ABCC5: variants seen among roughly 807,000 people sequenced by gnomAD.
ABCC5 encodes ATP binding cassette subfamily C member 5, also known as ATP-binding cassette sub-family C member 5.
Under a neutral mutation model 160.9 loss-of-function variants are expected in ABCC5, and 61 were observed. That is an observed-to-expected ratio of 0.38 (90% confidence interval 0.31 to 0.47). The LOEUF is 0.47. Ranked by LOEUF, ABCC5 falls within the 20% of genes least tolerant of loss-of-function variation. ABCC5 has a pLI of 0.99. For synonymous variants in ABCC5, 666 were observed against 700.6 expected, an observed-to-expected ratio of 0.95 and a Z score of 0.78; for missense variants, 1,308 against 1,813.3, an observed-to-expected ratio of 0.72 and a Z score of 5.06.
chr3:183,930,580 G>C (rs1478275056), intron 26 of ABCC5, among the ~76,000 whole-genome samples: 1 of 152,188 alleles, frequency 6.6e-6, no homozygotes, highest in Non-Finnish European at 1.5e-5. Context: ...CATATGACTG[G>C]TCCTTATGAG....
chr3:184,002,888 G>C (rs1271245029), intron 2 of ABCC5, among the ~76,000 whole-genome samples: 1 of 152,222 alleles, frequency 6.6e-6, no homozygotes, highest in African/African-American at 2.4e-5. Flanking sequence ...ACTGGCAACA[G>C]AGAGGTACCT....
rs144432230 is a variant in ABCC5, at chr3:184,014,280, A to C, written c.113T>G (p.Phe38Cys). Residue 38 changes from phenylalanine (F) to cysteine (C), a missense_variant, in exon 2 of 30, where the codon TTC becomes TGC. Phe to Cys is a radical substitution (Grantham distance 205). This residue lies in a region of ABCC5 where 1,142 missense variants were observed against 1,527.1 expected (regional missense o/e 0.75). Transcript: ENST00000334444. Reference protein sequence around the residue: ...GTHRDREDSKFRRTRPLECQD... With the variant: ...GTHRDREDSKCRRTRPLECQD... ...GAAACTGACCGGTCGAGTTCTCCTGAACTTGGAATCTTCACGGTCTCTGTG... is the reference window on the plus strand; with the variant it reads ...GAAACTGACCGGTCGAGTTCTCCTGCACTTGGAATCTTCACGGTCTCTGTG... 6.2e-7 allele frequency: 1 copy of C among 1,613,846 alleles called. No individual in the cohort carries two copies. The highest frequency in any genetic ancestry group is 8.5e-7 in the Non-Finnish European group (1 of 1,179,940).
intron 5 of ABCC5, chr3:183,985,575 G>T (rs1719138805): frequency 1.4e-6 from 1 of 692,730 alleles, no homozygotes; most frequent in South Asian, 1.5e-5. Context: ...CACTGCAGGA[G>T]GCGGCCTTCT....
Position 183,982,692 on chromosome 3 carries a change from A to G in ABCC5, c.826-68T>C, listed in dbSNP as rs1576894106. ...GGTTCATTTGTCTCAGGAGGAAGATAAAGGATAAGGCAGGGCCCTAGAGGA... is the reference window on the plus strand; with the variant it reads ...GGTTCATTTGTCTCAGGAGGAAGATGAAGGATAAGGCAGGGCCCTAGAGGA... On this transcript the variant is annotated intron_variant, in intron 6 of 29. Coordinates refer to ENST00000334444, the MANE Select transcript of ABCC5 (RefSeq NM_005688.4). This position sits in a 1 kb window ranked among gnomAD's most constrained non-coding sequence, Gnocchi z 5.2. 1.2e-6 allele frequency: 2 copies of G among 1,608,340 alleles called. No homozygotes were observed. Among genetic ancestry groups the G allele is most frequent in the East Asian group, 4.5e-5 (2 of 44,826 alleles).
chr3:183,942,578 A>C (rs560473914), intron 25 of ABCC5, 149 bp downstream of exon 25: 2 of 967,250 alleles, frequency 2.1e-6, no homozygotes, highest in South Asian at 2.8e-5. Context: ...AAGTGGGGTC[A>C]ACAATAAACC....
At chr3:183,980,993 G>A (rs531306108) in intron 8 of ABCC5, among the ~76,000 whole-genome samples, 6 of 152,126 alleles carry the variant, frequency 3.9e-5, no homozygotes, top group Admixed American at 2.0e-4. Context: ...GATTACAGGC[G>A]TGAGCCACTG....
rs1174169968 is a variant in ABCC5 at position 183,963,137 on chromosome 3, C to T, written c.2235+248G>A. ...ACCCAAACTCCATTTTTGGCCTGCT[C>T]CTCTCAGCCCTTTTACTTGCTGATC... On this transcript the variant is annotated intron_variant, in intron 15 of 29. Coordinates refer to ENST00000334444, the MANE Select transcript of ABCC5 (RefSeq NM_005688.4). This position sits in a 1 kb window ranked among gnomAD's most constrained non-coding sequence, Gnocchi z 4.6. 1.3e-5 allele frequency among the ~76,000 whole-genome samples: 2 copies of T among 152,192 alleles called. No individual in the cohort carries two copies. The highest frequency in any genetic ancestry group is 2.1e-4 in the South Asian group (1 of 4,838).
At chr3:183,932,891 A>T (rs372030505) in intron 26 of ABCC5, among the ~76,000 whole-genome samples, 5 of 152,064 alleles carry the variant, frequency 3.3e-5, no homozygotes, top group African/African-American at 1.2e-4. Context: ...CAGGTGGGGA[A>T]TGGTGGCTCA....
chr3:183,947,289 C>T (rs1186840597), intron 23 of ABCC5, 35 bp downstream of exon 23: 1 of 1,546,096 alleles, frequency 6.5e-7, no homozygotes, highest in Non-Finnish European at 8.8e-7. Flanking sequence ...AGGGCTCAAA[C>T]AAGCAAAGAT....
At chr3:183,971,400 G>A (rs1043816035) in intron 11 of ABCC5, among the ~76,000 whole-genome samples, 163 bp downstream of exon 11, 2 of 152,126 alleles carry the variant, frequency 1.3e-5, no homozygotes, top group Non-Finnish European at 2.9e-5. Flanking sequence ...TAAATGCTTA[G>A]TTGGTTTTTT....
chr3:183,992,992 A>T (rs974438743), intron 2 of ABCC5, among the ~76,000 whole-genome samples: 2 of 152,218 alleles, frequency 1.3e-5, no homozygotes, highest in African/African-American at 4.8e-5. Flanking sequence ...CACAATTCAG[A>T]TTATAATAAT....
chr3:183,958,262 G>T (rs902658907), intron 17 of ABCC5, among the ~76,000 whole-genome samples: 1 of 152,214 alleles, frequency 6.6e-6, no homozygotes, highest in Non-Finnish European at 1.5e-5. Flanking sequence ...TGAGGTCTGG[G>T]TTACTAATGA....
rs758391964 is a variant in ABCC5, at chr3:183,963,352, C to T, written c.2235+33G>A. The T allele has an allele frequency of 1.9e-6, 3 of 1,611,404 alleles. No individual in the cohort carries two copies. Among genetic ancestry groups the T allele is most frequent in the Non-Finnish European group, 2.5e-6 (3 of 1,177,498 alleles). On this transcript the variant is annotated intron_variant, in intron 15 of 29. Transcript: ENST00000334444. The surrounding 1 kb of genome is among the most constrained non-coding windows in gnomAD (Gnocchi z 4.6). ...CTCCCTGTTTCTGATTTCCCAAACT[C>T]AGGCAGGCAGCCGAGGGAAGAAAGA...
rs781027693 is a variant in ABCC5, at chr3:183,921,331, G to A, written c.4283C>T (p.Ala1428Val). The change falls in exon 30 of 30, where the codon GCT becomes GTT. Residue 1428 changes from alanine to valine, a missense_variant. Physicochemically the swap from Ala to Val is moderately conservative, Grantham distance 64. Coordinates refer to ENST00000334444, the MANE Select transcript of ABCC5 (RefSeq NM_005688.4). The surrounding 1 kb of genome is among the most constrained non-coding windows in gnomAD (Gnocchi z 4.1). The part of the protein sequence containing the change: ...DSSRFYAMFA[A>V]AENKVAVKG Reference sequence around the variant, plus strand: ...CTTGACAGCGACCTTGTTCTCTGCAGCAGCAAACATGGCATAGAATCGGGA... The same window carrying A: ...CTTGACAGCGACCTTGTTCTCTGCAACAGCAAACATGGCATAGAATCGGGA... 4 of 1,607,804 alleles carry A rather than the reference G, an allele frequency of 2.5e-6. No homozygotes were observed. In the Admixed American group the frequency reaches 6.7e-5, roughly 27 times the overall value.
rs749531253 is a variant in ABCC5, at chr3:183,987,858, C to G, written c.503G>C (p.Arg168Pro). 3 of 1,614,196 alleles carry G rather than the reference C, an allele frequency of 1.9e-6. No homozygotes were observed. The highest frequency in any genetic ancestry group is 2.5e-6 in the Non-Finnish European group (3 of 1,180,026). The change falls in exon 5 of 30, where the codon CGA becomes CCA. Residue 168 changes from arginine to proline, a missense_variant. Coordinates refer to ENST00000334444, the MANE Select transcript of ABCC5 (RefSeq NM_005688.4). This position sits in a 1 kb window ranked among gnomAD's most constrained non-coding sequence, Gnocchi z 4.2. ...GCGGCAGAAGATCCACACAACCCTT[C>G]GCAGGGAAGCAGCGTCTGGCCCAAC... ...NEVGPDAASL[R>P]RVVWIFCRTR...
chr3:183,989,094 C>G (rs1027644175), intron 3 of ABCC5, 132 bp downstream of exon 3: 1 of 913,486 alleles, frequency 1.1e-6, no homozygotes, highest in Non-Finnish European at 1.6e-6. Flanking sequence ...TCACTTGAAC[C>G]CAGGAGGCGG....
At chr3:183,978,718 C>T in intron 8 of ABCC5, 67 bp from the exon 9 acceptor site, 8 of 1,561,208 alleles carry the variant, frequency 5.1e-6, no homozygotes, top group Non-Finnish European at 6.9e-6. Context: ...GTTCCTCCAC[C>T]TCCAAACAAG....
intron 10 of ABCC5, among the ~76,000 whole-genome samples, chr3:183,974,038 A>G (rs1414929461): frequency 6.6e-6 from 1 of 152,192 alleles, no homozygotes; most frequent in African/African-American, 2.4e-5. Flanking sequence ...CTGACGTGCT[A>G]AGAGGCAGAG....
intron 2 of ABCC5, among the ~76,000 whole-genome samples, chr3:184,012,132 T>C (rs1301998480): frequency 6.6e-6 from 1 of 152,148 alleles, no homozygotes; most frequent in Non-Finnish European, 1.5e-5. Flanking sequence ...TACTGGACTA[T>C]AGTTATGCAA....
Sources: gnomAD v4.1 joint callset for allele counts (sites outside exome capture counted in the v4.1 genomes callset) on GRCh38, gnomAD v4.1.1 for gene constraint, gnomAD v4.1.1 regional missense constraint, Gnocchi (gnomAD v3.1) non-coding constraint, MANE v1.5 for transcripts, NCBI Gene and HGNC (gene_info 2026-07-23, HGNC 2026-07-21) for gene names.